DLC1: variants seen among roughly 807,000 people sequenced by gnomAD.
DLC1 encodes DLC1 Rho GTPase activating protein, also known as rho GTPase-activating protein 7.
Under a neutral mutation model 140.3 loss-of-function variants are expected in DLC1, and 54 were observed. That is an observed-to-expected ratio of 0.38 (90% CI 0.31 to 0.48). The LOEUF (loss-of-function observed/expected upper bound fraction) is 0.48, where lower values mean the gene tolerates loss of function less well. Among genes scored for constraint, DLC1 ranks in the 20% least tolerant of loss-of-function variants. The pLI is 0.96. For missense variants in DLC1, 2,536 were observed against 1,907.0 expected, an observed-to-expected ratio of 1.33 and a Z score of -6.14; for synonymous variants, 986 against 728.1, an observed-to-expected ratio of 1.35 and a Z score of -5.70.
intron 2 of DLC1, among the ~76,000 whole-genome samples, chr8:13,482,137 C>G (rs928943027): frequency 3.3e-5 from 5 of 152,044 alleles, no homozygotes; most frequent in African/African-American, 1.2e-4. Flanking sequence ...GTTAGGACAG[C>G]CCAAGAAAAT....
chr8:13,556,645 G>A (rs1481597), intron 1 of DLC1, among the ~76,000 whole-genome samples: 35,661 of 151,958 alleles, frequency 0.23, 4,442 homozygotes, highest in Admixed American at 0.31. Flanking sequence ...AAGTAGTAGG[G>A]CCTGATACAG....
At chr8:13,460,474 G>T (rs1424621119) in intron 2 of DLC1, among the ~76,000 whole-genome samples, 1 of 152,170 alleles carries the variant, frequency 6.6e-6, no homozygotes, top group African/African-American at 2.4e-5. Context: ...CTTTGCAAAG[G>T]CAAATAAAAA....
At chr8:13,472,671 G>A (rs11783934) in intron 2 of DLC1, among the ~76,000 whole-genome samples, 71,003 of 151,964 alleles carry the variant, frequency 0.47, 16,763 homozygotes, top group African/African-American at 0.49. Context: ...TCTTAAACAA[G>A]ACTATGCCAT....
intron 4 of DLC1, among the ~76,000 whole-genome samples, chr8:13,353,783 G>T (rs1324767425): frequency 6.6e-6 from 1 of 152,064 alleles, no homozygotes; most frequent in Admixed American, 6.6e-5. Context: ...CTTGAACCCG[G>T]GAGGCAGAGG....
intron 4 of DLC1, among the ~76,000 whole-genome samples, chr8:13,314,067 C>T (rs142445948): frequency 3.9e-5 from 6 of 152,154 alleles, no homozygotes; most frequent in African/African-American, 7.2e-5. Context: ...ATTCTGCACT[C>T]ATGTGACCTT....
chr8:13,366,293 T>C (rs963752317), intron 4 of DLC1, among the ~76,000 whole-genome samples: 4 of 152,154 alleles, frequency 2.6e-5, no homozygotes, highest in African/African-American at 9.7e-5. Flanking sequence ...CTTTAATTCA[T>C]TGAGAAAATG....
chr8:13,570,010 G>A (rs1804590601), intron 1 of DLC1, among the ~76,000 whole-genome samples: 1 of 152,204 alleles, frequency 6.6e-6, no homozygotes, highest in Admixed American at 6.5e-5. Context: ...GCAGGCACGA[G>A]CCACTGTGCC....
chr8:13,544,738 C>A (rs192897517), intron 1 of DLC1, among the ~76,000 whole-genome samples: 1 of 152,268 alleles, frequency 6.6e-6, no homozygotes, highest in Non-Finnish European at 1.5e-5. Flanking sequence ...TGAAAATATA[C>A]AATCCATTTT....
At chr8:13,570,313 A>G (rs1372321690) in intron 1 of DLC1, among the ~76,000 whole-genome samples, 1 of 141,438 alleles carries the variant, frequency 7.1e-6, no homozygotes, top group Non-Finnish European at 1.5e-5. Flanking sequence ...TTTTTATTAT[A>G]CTTTAAGTTT....
chr8:13,099,844 C>T lies in DLC1; in HGVS notation c.2493G>A (p.Gly831=). The change falls in exon 9 of 18, where the codon GGG becomes GGA. Residue 831 remains glycine, a synonymous_variant. Coordinates refer to ENST00000276297, the MANE Select transcript of DLC1 (RefSeq NM_182643.3). Reference sequence around the variant, plus strand: ...TCCTCCAGTTCACAGAGCCGTTATTCCCCGAGGGGGAGAAACTGCCATTGG... The same window carrying T: ...TCCTCCAGTTCACAGAGCCGTTATTTCCCGAGGGGGAGAAACTGCCATTGG... ...ALTNGSFSPS[G]NNGSVNWRTG... 6.2e-7 allele frequency: 1 copy of T among 1,614,092 alleles called. No individual in the cohort carries two copies.
intron 1 of DLC1, among the ~76,000 whole-genome samples, chr8:13,547,146 T>G (rs1457314459): frequency 2.0e-5 from 3 of 152,120 alleles, no homozygotes; most frequent in Non-Finnish European, 4.4e-5. Context: ...TTATCTTGTA[T>G]GAAGAACAGT....
chr8:13,154,944 TTCAAA>T (rs1457324715), intron 5 of DLC1, among the ~76,000 whole-genome samples: 1 of 152,296 alleles, frequency 6.6e-6, no homozygotes, highest in East Asian at 1.9e-4. Context: ...GTTTTTAAAA[TTCAAA>T]TAATATGGAA....
chr8:13,185,638 C>T (rs1253735723), intron 5 of DLC1, among the ~76,000 whole-genome samples: 4 of 152,022 alleles, frequency 2.6e-5, no homozygotes, highest in Non-Finnish European at 5.9e-5. Flanking sequence ...GGCATTTAGC[C>T]CATTTACATT....
intron 4 of DLC1, among the ~76,000 whole-genome samples, chr8:13,306,408 C>T (rs1832429560): frequency 6.6e-6 from 1 of 152,124 alleles, no homozygotes; most frequent in African/African-American, 2.4e-5. Flanking sequence ...GATGTATTAA[C>T]TGACCCATTG....
At chr8:13,446,221 C>A (rs1176924708) in intron 2 of DLC1, among the ~76,000 whole-genome samples, 1 of 152,172 alleles carries the variant, frequency 6.6e-6, no homozygotes, top group South Asian at 2.1e-4. Flanking sequence ...TATGGTATCA[C>A]TCAGGCAACA....
chr8:13,432,806 A>G (rs1469647587), intron 2 of DLC1, among the ~76,000 whole-genome samples: 1 of 152,160 alleles, frequency 6.6e-6, no homozygotes, highest in East Asian at 1.9e-4. Flanking sequence ...GAGGTGAGAA[A>G]ATGAAGACAG....
At chr8:13,271,221 T>C (rs1356840289) in intron 5 of DLC1, among the ~76,000 whole-genome samples, 3 of 152,224 alleles carry the variant, frequency 2.0e-5, no homozygotes, top group Admixed American at 2.0e-4. Flanking sequence ...TTGCCTATGA[T>C]TGGAAAAGTG....
intron 2 of DLC1, among the ~76,000 whole-genome samples, chr8:13,487,540 C>T (rs1161781030): frequency 1.3e-5 from 2 of 151,962 alleles, no homozygotes; most frequent in African/African-American, 4.8e-5. Flanking sequence ...GGTCTGCATG[C>T]TCCCATTTTC....
chr8:13,420,654 T>C (rs142171420), intron 2 of DLC1, among the ~76,000 whole-genome samples: 2 of 152,116 alleles, frequency 1.3e-5, no homozygotes, highest in African/African-American at 4.8e-5. Flanking sequence ...GAACATGCAG[T>C]ATTTGGTTTT....
Sources: allele counts gnomAD v4.1 joint callset (sites outside exome capture counted in the v4.1 genomes callset), GRCh38; gene constraint gnomAD v4.1.1; transcripts MANE v1.5; gene names NCBI Gene and HGNC (gene_info 2026-07-23, HGNC 2026-07-21).